The following EYA4 variants were observed in gnomAD, a reference collection of about 807,000 sequenced individuals.
The protein encoded by EYA4 is EYA transcriptional coactivator and phosphatase 4, also known as protein phosphatase EYA4.
Under a neutral mutation model 87.9 loss-of-function variants are expected in EYA4, and 31 were observed. The observed-to-expected ratio is 0.35, with a 90% CI of 0.27 to 0.48. The LOEUF (loss-of-function observed/expected upper bound fraction) is 0.48. Among genes scored for constraint, EYA4 ranks in the 20% least tolerant of loss-of-function variants. The probability of loss-of-function intolerance (pLI) is 0.99; values close to 1 mark genes in which losing one functional copy is unlikely to be tolerated. For synonymous variants in EYA4, 263 were observed against 270.6 expected (o/e 0.97, Z 0.28); for missense variants, 678 against 761.4 (o/e 0.89, Z 1.29).
chr6:133,443,625 A>G (rs1229221380), intron 3 of EYA4, among the ~76,000 whole-genome samples: 1 of 152,008 alleles, frequency 6.6e-6, no homozygotes, highest in East Asian at 1.9e-4. Flanking sequence ...CAGATTTTAA[A>G]TCCTTCTTCT....
intron 3 of EYA4, among the ~76,000 whole-genome samples, chr6:133,388,864 T>C (rs1787003009): frequency 6.6e-6 from 1 of 152,228 alleles, no homozygotes; most frequent in Non-Finnish European, 1.5e-5. Flanking sequence ...TTTCATTTCA[T>C]ACTTTTTCAT....
chr6:133,346,732 C>G (rs534637421), intron 2 of EYA4, among the ~76,000 whole-genome samples: 1 of 151,634 alleles, frequency 6.6e-6, no homozygotes, highest in Non-Finnish European at 1.5e-5. Flanking sequence ...TAATTTGCCC[C>G]AGGTGGCTTA....
chr6:133,390,903 T>C (rs780714584), intron 3 of EYA4, among the ~76,000 whole-genome samples: 1 of 152,126 alleles, frequency 6.6e-6, no homozygotes, highest in East Asian at 1.9e-4. Context: ...TGGGGGGCTA[T>C]AGCTGAATGT....
chr6:133,269,197 C>T (rs1484733063), intron 1 of EYA4, among the ~76,000 whole-genome samples: 10 of 152,180 alleles, frequency 6.6e-5, no homozygotes, highest in African/African-American at 2.4e-4. Context: ...AGGCAGAGGT[C>T]GCAGTGAGCT....
intron 3 of EYA4, among the ~76,000 whole-genome samples, chr6:133,415,215 C>T (rs1789607322): frequency 6.6e-6 from 1 of 152,198 alleles, no homozygotes; most frequent in Non-Finnish European, 1.5e-5. Context: ...GACCTCATTA[C>T]TGGGTAGGTA....
chr6:133,519,764 G>A (rs1171333153), intron 17 of EYA4, among the ~76,000 whole-genome samples: 5 of 150,956 alleles, frequency 3.3e-5, no homozygotes, highest in South Asian at 2.1e-4. Context: ...CTGGCAAAAC[G>A]AATCCAGCAG....
intron 16 of EYA4, 77 bp from the exon 17 acceptor site, chr6:133,515,244 G>A: frequency 1.3e-6 from 1 of 797,100 alleles, no homozygotes. Flanking sequence ...ATCTATTCCA[G>A]ACAGAAGGGA....
chr6:133,389,837 T>TTTCCTCTGCCGTGCTTTTTGAATC (rs1787102555), intron 3 of EYA4, among the ~76,000 whole-genome samples: 1 of 152,210 alleles, frequency 6.6e-6, no homozygotes, highest in Non-Finnish European at 1.5e-5. Context: ...TTTTTTGAAT[T>TTTCCTCTGCCGTGCTTTTTGAATC]TTCCTCTGCC....
At chr6:133,296,690 G>A (rs527532858) in intron 2 of EYA4, among the ~76,000 whole-genome samples, 3 of 152,220 alleles carry the variant, frequency 2.0e-5, no homozygotes, top group South Asian at 4.1e-4. Flanking sequence ...TGTATGATGT[G>A]GGGTAGGTTT....
At chr6:133,343,571 C>T (rs1276275768) in intron 2 of EYA4, among the ~76,000 whole-genome samples, 1 of 138,580 alleles carries the variant, frequency 7.2e-6, no homozygotes. Flanking sequence ...GCCACCACCC[C>T]CCCCACCCAC....
intron 2 of EYA4, among the ~76,000 whole-genome samples, chr6:133,301,949 A>G (rs1343134722): frequency 1.3e-5 from 2 of 152,208 alleles, no homozygotes; most frequent in Non-Finnish European, 2.9e-5. Context: ...TCTGCCTGGG[A>G]CGAAGAGAGA....
At chr6:133,463,443 C>T (rs1043667035) in intron 9 of EYA4, among the ~76,000 whole-genome samples, 6 of 150,504 alleles carry the variant, frequency 4.0e-5, no homozygotes, top group Non-Finnish European at 5.9e-5. Flanking sequence ...AACTTGCAAC[C>T]TCCACCTCCT....
rs547301498 is a variant in EYA4 at position 133,326,937 on chromosome 6, T to C, written c.33+52124T>C. ...GCACTTTCTTGCCACCTTCCATCCC[T>C]CCTGCCCCTGTGCCTTGACCTCTCG... On this transcript the variant is annotated intron_variant, in intron 2 of 19. Transcript: ENST00000355286. Among the ~76,000 whole-genome samples the C allele has an allele frequency of 3.9e-5, 6 of 152,202 alleles. No homozygotes were observed. The East Asian group carries it at 1.2e-3, about 29-fold the overall frequency.
At chr6:133,435,511 T>C (rs1387540732) in intron 3 of EYA4, 1 of 152,282 alleles carries the variant, frequency 6.6e-6, no homozygotes, top group Non-Finnish European at 1.5e-5. Flanking sequence ...GGACTATCTG[T>C]CCACCTGATC....
At chr6:133,269,588 C>G (rs1292331411) in intron 1 of EYA4, among the ~76,000 whole-genome samples, 2 of 152,020 alleles carry the variant, frequency 1.3e-5, no homozygotes, top group Non-Finnish European at 2.9e-5. Context: ...GTCTTGTGAT[C>G]TAATAAGGAA....
At chr6:133,480,861 A>G (rs1433758815) in intron 11 of EYA4, among the ~76,000 whole-genome samples, 1 of 152,098 alleles carries the variant, frequency 6.6e-6, no homozygotes, top group Non-Finnish European at 1.5e-5. Flanking sequence ...GAGAAAATGG[A>G]AGCAAATAGT....
intron 3 of EYA4, among the ~76,000 whole-genome samples, chr6:133,428,274 A>C (rs1172553166): frequency 6.6e-6 from 1 of 152,190 alleles, no homozygotes; most frequent in Non-Finnish European, 1.5e-5. Context: ...AGTTGTTGAA[A>C]ACATAAATCC....
chr6:133,266,688 T>C (rs1269633772), intron 1 of EYA4, among the ~76,000 whole-genome samples: 17 of 152,154 alleles, frequency 1.1e-4, no homozygotes, highest in African/African-American at 3.9e-4. Context: ...ATAATACTTG[T>C]CTAAAAGTTT....
chr6:133,306,312 G>T (rs1582906344), intron 2 of EYA4, among the ~76,000 whole-genome samples: 1 of 152,158 alleles, frequency 6.6e-6, no homozygotes, highest in African/African-American at 2.4e-5. Context: ...AAAACTATAG[G>T]CATGTGGTAT....
Sources: gnomAD v4.1 joint callset for allele counts (sites outside exome capture counted in the v4.1 genomes callset) on GRCh38, gnomAD v4.1.1 for gene constraint, MANE v1.5 for transcripts, NCBI Gene and HGNC (gene_info 2026-07-23, HGNC 2026-07-21) for gene names.